CYP7B1: variants seen among roughly 807,000 people sequenced by gnomAD.
CYP7B1 encodes cytochrome P450 7B1.
Under a neutral mutation model 42.7 loss-of-function variants are expected in CYP7B1, and 29 were observed. The ratio of observed to expected loss-of-function variants is 0.68; its 90% confidence interval spans 0.51 to 0.93. CYP7B1 has a LOEUF of 0.93. CYP7B1 is among the 40% of genes least tolerant of loss of function. CYP7B1 has a pLI of 0.00. For missense variants in CYP7B1, 655 were observed against 600.5 expected (o/e 1.09, Z -0.95); for synonymous variants, 235 against 218.2 (o/e 1.08, Z -0.68).
chr8:64,639,941 G>T (rs948270229), intron 1 of CYP7B1, among the ~76,000 whole-genome samples: 2 of 151,918 alleles, frequency 1.3e-5, no homozygotes, highest in African/African-American at 2.4e-5. Flanking sequence ...TAGAATAAAA[G>T]AAATGAACTG....
chr8:64,622,167 T>C (rs553064643), intron 2 of CYP7B1, among the ~76,000 whole-genome samples: 2 of 150,640 alleles, frequency 1.3e-5, no homozygotes, highest in East Asian at 3.9e-4. Context: ...TGCATAATAC[T>C]GCATAAAATG....
chr8:64,750,120 A>G (rs1203011696), intron 1 of CYP7B1, among the ~76,000 whole-genome samples: 2 of 152,186 alleles, frequency 1.3e-5, no homozygotes, highest in African/African-American at 2.4e-5. Flanking sequence ...CTAACTTTCT[A>G]TGATTGATTT....
chr8:64,793,656 T>C (rs1804658327), intron 1 of CYP7B1, among the ~76,000 whole-genome samples: 1 of 152,128 alleles, frequency 6.6e-6, no homozygotes, highest in South Asian at 2.1e-4. Flanking sequence ...GGACTACCCA[T>C]AAGGCTGGTC....
chr8:64,711,236 T>A (rs1453962633), intron 1 of CYP7B1, among the ~76,000 whole-genome samples: 1 of 152,184 alleles, frequency 6.6e-6, no homozygotes, highest in Non-Finnish European at 1.5e-5. Context: ...CACAGAGAGA[T>A]CTGTTGCTAC....
chr8:64,791,541 C>T (rs1804617794), intron 1 of CYP7B1, among the ~76,000 whole-genome samples: 1 of 151,954 alleles, frequency 6.6e-6, no homozygotes. Flanking sequence ...GGGGAAGGGC[C>T]CATGACCTAG....
intron 1 of CYP7B1, among the ~76,000 whole-genome samples, chr8:64,671,287 G>A (rs1806363819): frequency 6.6e-6 from 1 of 152,042 alleles, no homozygotes; most frequent in Admixed American, 6.6e-5. Context: ...AAGGGTACAG[G>A]ATAAAAGGGC....
At chr8:64,790,940 G>A (rs1291371611) in intron 1 of CYP7B1, among the ~76,000 whole-genome samples, 1 of 152,158 alleles carries the variant, frequency 6.6e-6, no homozygotes, top group Admixed American at 6.5e-5. Context: ...TCCATACAAA[G>A]AGGGGAAATG....
chr8:64,607,421 C>T (rs1805299302), intron 4 of CYP7B1, among the ~76,000 whole-genome samples: 1 of 151,320 alleles, frequency 6.6e-6, no homozygotes, highest in African/African-American at 2.4e-5. Flanking sequence ...AAAAAACTTT[C>T]CATATACTTA....
intron 1 of CYP7B1, among the ~76,000 whole-genome samples, chr8:64,631,946 GA>G (rs146926055): frequency 0.052 from 7,974 of 152,226 alleles, 779 homozygotes; most frequent in African/African-American, 0.18. Context: ...GGAGAAGTGA[GA>G]ACCCTTGTAC....
At chr8:64,652,583 G>A (rs773900759) in intron 1 of CYP7B1, among the ~76,000 whole-genome samples, 9 of 152,158 alleles carry the variant, frequency 5.9e-5, no homozygotes, top group Non-Finnish European at 1.3e-4. Flanking sequence ...AGTGGCTCAC[G>A]CCTGTAATTC....
chr8:64,588,175 A>G (rs1056184876), downstream of CYP7B1, among the ~76,000 whole-genome samples: 3 of 151,644 alleles, frequency 2.0e-5, no homozygotes, highest in Non-Finnish European at 4.4e-5. Context: ...AGAATGATAC[A>G]TTTTAGATAA....
At chr8:64,665,392 T>C (rs1016361573) in intron 1 of CYP7B1, among the ~76,000 whole-genome samples, 1 of 151,908 alleles carries the variant, frequency 6.6e-6, no homozygotes, top group African/African-American at 2.4e-5. Flanking sequence ...AATAAAAGGG[T>C]AGGAACTTAA....
At chr8:64,792,744 G>GTGAT (rs1554542188) in intron 1 of CYP7B1, among the ~76,000 whole-genome samples, 2 of 152,106 alleles carry the variant, frequency 1.3e-5, no homozygotes, top group Non-Finnish European at 2.9e-5. Context: ...TCGCAAATAC[G>GTGAT]TGATTGTGAT....
At chr8:64,758,890 T>C (rs1031129871) in intron 1 of CYP7B1, among the ~76,000 whole-genome samples, 4 of 152,172 alleles carry the variant, frequency 2.6e-5, no homozygotes, top group African/African-American at 7.2e-5. Context: ...ATTGCCCAGC[T>C]AAAAAAGGCC....
At chr8:64,627,024 A>G (rs1805619467) in intron 1 of CYP7B1, among the ~76,000 whole-genome samples, 1 of 152,244 alleles carries the variant, frequency 6.6e-6, no homozygotes, top group African/African-American at 2.4e-5. Flanking sequence ...AGGGGAAAGA[A>G]TGTCAAAATA....
At chr8:64,632,676 C>G (rs1182903278) in intron 1 of CYP7B1, among the ~76,000 whole-genome samples, 1 of 151,992 alleles carries the variant, frequency 6.6e-6, no homozygotes, top group Non-Finnish European at 1.5e-5. Flanking sequence ...ACAATAGAAA[C>G]AGAGGTGAAC....
chr8:64,631,373 A>C (rs938146473), intron 1 of CYP7B1, among the ~76,000 whole-genome samples: 1 of 152,174 alleles, frequency 6.6e-6, no homozygotes, highest in Non-Finnish European at 1.5e-5. Context: ...AATGTTTGAC[A>C]AAATCCAGTA....
chr8:64,649,383 G>A (rs143818007), intron 1 of CYP7B1, among the ~76,000 whole-genome samples: 5 of 152,176 alleles, frequency 3.3e-5, no homozygotes, highest in African/African-American at 1.2e-4. Flanking sequence ...TACATATTGC[G>A]GAATTTTCTT....
intron 4 of CYP7B1, among the ~76,000 whole-genome samples, chr8:64,611,287 G>A (rs940329649): frequency 3.9e-5 from 6 of 152,086 alleles, no homozygotes; most frequent in South Asian, 2.1e-4. Flanking sequence ...GATCTTAGAC[G>A]GGGTATTTAG....
Sources: allele counts gnomAD v4.1 joint callset (sites outside exome capture counted in the v4.1 genomes callset), GRCh38; gene constraint gnomAD v4.1.1; transcripts MANE v1.5; gene names NCBI Gene and HGNC (gene_info 2026-07-23, HGNC 2026-07-21).